SLC1A2: variants seen among roughly 807,000 people sequenced by gnomAD.
SLC1A2 encodes excitatory amino acid transporter 2.
A neutral mutation model predicts 48.8 loss-of-function variants in SLC1A2; 15 were observed. That is an observed-to-expected ratio of 0.31 (90% CI 0.21 to 0.47). The LOEUF (loss-of-function observed/expected upper bound fraction) is 0.47, where lower values mean the gene tolerates loss of function less well. Among genes scored for constraint, SLC1A2 ranks in the 20% least tolerant of loss-of-function variants. The probability of loss-of-function intolerance (pLI) is 0.99; values close to 1 mark genes in which losing one functional copy is unlikely to be tolerated. For synonymous variants in SLC1A2, 279 were observed against 272.6 expected (o/e 1.02, Z -0.23); for missense variants, 502 against 730.5 (o/e 0.69, Z 3.61).
intron 1 of SLC1A2, among the ~76,000 whole-genome samples, chr11:35,357,537 T>C (rs1395949976): frequency 1.3e-5 from 2 of 152,074 alleles, no homozygotes; most frequent in African/African-American, 2.4e-5. Context: ...ATAAATGCAA[T>C]ACAAAGATGG....
At chr11:35,418,575 C>G (rs539992863) in intron 1 of SLC1A2, 140 of 210,252 alleles carry the variant, frequency 6.7e-4, no homozygotes, top group African/African-American at 3.2e-3. Flanking sequence ...AAGCCCGCCT[C>G]GGGCCTGGGG....
At position 35,256,715 on chromosome 11, in the gene SLC1A2, G is replaced by C. The variant is rs754893966; in HGVS notation, c.*4179C>G. On this transcript the variant is annotated 3_prime_UTR_variant, in exon 11 of 11. Coordinates refer to ENST00000278379, the MANE Select transcript of SLC1A2 (RefSeq NM_004171.4). Reference sequence around the variant, plus strand: ...AAATTTCATTTGGTCCTTTTTCTTGGTTTGGAATGAGTTCAGTTGGAGAAT... The same window carrying C: ...AAATTTCATTTGGTCCTTTTTCTTGCTTTGGAATGAGTTCAGTTGGAGAAT... The C allele has an allele frequency of 6.6e-6, 1 of 151,800 alleles. No homozygotes were observed. The highest frequency in any genetic ancestry group is 6.6e-5 in the Admixed American group (1 of 15,244). The allele number at this position is 151,800 out of a possible 1,614,324, so 9.4% of individuals were successfully genotyped here.
At chr11:35,404,050 C>T (rs867803466) in intron 1 of SLC1A2, among the ~76,000 whole-genome samples, 1 of 152,104 alleles carries the variant, frequency 6.6e-6, no homozygotes, top group African/African-American at 2.4e-5. Flanking sequence ...AACGTTTTCA[C>T]ACCTATTTTA....
At chr11:35,297,055 G>A (rs563054889) in intron 6 of SLC1A2, among the ~76,000 whole-genome samples, 1 of 152,154 alleles carries the variant, frequency 6.6e-6, no homozygotes, top group East Asian at 1.9e-4. Flanking sequence ...TGGATGGATT[G>A]ACAAAGATTC....
intron 3 of SLC1A2, among the ~76,000 whole-genome samples, chr11:35,313,528 C>T (rs1284947954): frequency 6.6e-6 from 1 of 152,136 alleles, no homozygotes; most frequent in African/African-American, 2.4e-5. Context: ...AGAGATTGAA[C>T]CCCTTTTTGG....
intron 1 of SLC1A2, among the ~76,000 whole-genome samples, chr11:35,346,482 T>C (rs2135059753): frequency 6.6e-6 from 1 of 152,272 alleles, no homozygotes; most frequent in East Asian, 1.9e-4. Flanking sequence ...CCCAGGGGAT[T>C]GAGGGGATAC....
intron 1 of SLC1A2, among the ~76,000 whole-genome samples, chr11:35,393,088 G>A (rs1252046826): frequency 6.6e-6 from 1 of 152,170 alleles, no homozygotes; most frequent in African/African-American, 2.4e-5. Flanking sequence ...AATCCAGTAA[G>A]TATCTGGTCC....
At chr11:35,305,922 G>T in intron 5 of SLC1A2, 152 bp downstream of exon 5, 2 of 611,824 alleles carry the variant, frequency 3.3e-6, no homozygotes, top group Non-Finnish European at 5.6e-6. Flanking sequence ...AAATCGCTCA[G>T]CTCTCAGTCC....
At chr11:35,338,504 T>G (rs977179616) in intron 1 of SLC1A2, among the ~76,000 whole-genome samples, 1 of 152,158 alleles carries the variant, frequency 6.6e-6, no homozygotes, top group Admixed American at 6.5e-5. Context: ...TGGACCAAGT[T>G]GGTCCAGTGA....
chr11:35,394,273 A>G (rs995562555), intron 1 of SLC1A2, among the ~76,000 whole-genome samples: 1 of 152,036 alleles, frequency 6.6e-6, no homozygotes, highest in Non-Finnish European at 1.5e-5. Flanking sequence ...TGGAGGGATC[A>G]AAGACACATC....
Position 35,415,148 on chromosome 11 carries a change from T to C in SLC1A2, c.17+3802A>G, listed in dbSNP as rs540306046. 3.9e-5 allele frequency among the ~76,000 whole-genome samples: 6 copies of C among 152,330 alleles called. No homozygotes were observed. The South Asian group carries it at 1.2e-3, about 32-fold the overall frequency. ...CTCGTTTTTTGCAGCTGAAGCATCA[T>C]CACTTAAGGACTTTTCCTTGTCTGA... is the stretch of plus-strand genomic sequence containing the variant. On this transcript the variant is annotated intron_variant, in intron 1 of 10. Coordinates refer to ENST00000278379, the MANE Select transcript of SLC1A2 (RefSeq NM_004171.4).
At chr11:35,270,572 C>T (rs1171723451) in intron 9 of SLC1A2, among the ~76,000 whole-genome samples, 1 of 152,156 alleles carries the variant, frequency 6.6e-6, no homozygotes, top group African/African-American at 2.4e-5. Context: ...CTCCCTTTTC[C>T]CCAAGAACCC....
chr11:35,373,758 T>G (rs749613961), intron 1 of SLC1A2, among the ~76,000 whole-genome samples: 22 of 152,172 alleles, frequency 1.4e-4, no homozygotes, highest in Non-Finnish European at 2.8e-4. Context: ...TACAGAGCAC[T>G]GGGTCAATGA....
At chr11:35,392,977 G>A (rs963025508) in intron 1 of SLC1A2, among the ~76,000 whole-genome samples, 20 of 152,170 alleles carry the variant, frequency 1.3e-4, no homozygotes, top group Non-Finnish European at 2.4e-4. Context: ...CTGGTCAAAT[G>A]ACAGATGACT....
At chr11:35,397,370 C>T (rs373348011) in intron 1 of SLC1A2, among the ~76,000 whole-genome samples, 3,560 of 141,406 alleles carry the variant, frequency 0.025, 130 homozygotes, top group African/African-American at 0.088. Flanking sequence ...TCAGAAATAA[C>T]GCCGCATACC....
chr11:35,355,537 A>G (rs1853423957), intron 1 of SLC1A2, among the ~76,000 whole-genome samples: 1 of 152,212 alleles, frequency 6.6e-6, no homozygotes, highest in Non-Finnish European at 1.5e-5. Context: ...AACAGCAGGA[A>G]GTGGTCAATG....
At chr11:35,399,607 C>A (rs533131704) in intron 1 of SLC1A2, 2 of 984,126 alleles carry the variant, frequency 2.0e-6, no homozygotes, top group Admixed American at 1.2e-4. Context: ...ATAGATGATG[C>A]GTTTTCCATT....
chr11:35,274,148 T>G (rs1255554846), intron 9 of SLC1A2, among the ~76,000 whole-genome samples: 6 of 152,372 alleles, frequency 3.9e-5, no homozygotes, highest in Non-Finnish European at 5.9e-5. Context: ...GAAATAACAC[T>G]TGAGATTCAA....
chr11:35,310,460 C>T (rs536600994), intron 4 of SLC1A2, among the ~76,000 whole-genome samples: 2 of 152,282 alleles, frequency 1.3e-5, no homozygotes, highest in South Asian at 2.1e-4. Flanking sequence ...ACTTCCCTGG[C>T]GTGGAATGGT....
Sources: gnomAD v4.1 joint callset for allele counts (sites outside exome capture counted in the v4.1 genomes callset) on GRCh38, gnomAD v4.1.1 for gene constraint, MANE v1.5 for transcripts, NCBI Gene and HGNC (gene_info 2026-07-23, HGNC 2026-07-21) for gene names.